LSS: variants seen among roughly 807,000 people sequenced by gnomAD.
The protein encoded by LSS is 2,3-epoxysqualene-lanosterol cyclase.
LSS carries 90 observed loss-of-function variants against 110.3 expected under a neutral mutation model. The ratio of observed to expected loss-of-function variants is 0.82; its 90% confidence interval spans 0.69 to 0.97. LSS has a LOEUF of 0.97. LSS is among the 50% of genes least tolerant of loss of function. LSS has a pLI of 0.00. For synonymous variants in LSS, 433 were observed against 400.0 expected, an observed-to-expected ratio of 1.08 and a Z score of -0.98; for missense variants, 927 against 990.0, an observed-to-expected ratio of 0.94 and a Z score of 0.85.
chr21:46,205,804 C>T (rs747690224), intron 17 of LSS, 32 bp downstream of exon 17: 108 of 1,540,744 alleles, frequency 7.0e-5, no homozygotes, highest in Non-Finnish European at 9.1e-5. Context: ...GACTTGGCAG[C>T]GCCCACACTG....
At chr21:46,200,927 G>C (rs1026320489) in intron 17 of LSS, among the ~76,000 whole-genome samples, 13 of 152,212 alleles carry the variant, frequency 8.5e-5, no homozygotes, top group Non-Finnish European at 1.6e-4. Context: ...GGCAGTTAGG[G>C]GTACACATCC....
chr21:46,223,855 C>T (rs554731273), intron 3 of LSS, among the ~76,000 whole-genome samples: 4 of 152,182 alleles, frequency 2.6e-5, no homozygotes, highest in South Asian at 2.1e-4. Context: ...CGCCCGTTGC[C>T]GAGCGGACGG....
In LSS at chr21:46,227,662, G is replaced by A. The variant is rs1259898536; in HGVS notation, c.209C>T (p.Ala70Val). 1.2e-6 allele frequency: 2 copies of A among 1,613,762 alleles called. No individual in the cohort carries two copies. Among genetic ancestry groups the A allele is most frequent in the Admixed American group, 3.3e-5 (2 of 59,984 alleles). ...CAGAGCCCCCTCAAAGGCGGTGTGG[G>A]CTTTGGGCAAGTCCTTAAAGTAATT... is the stretch of plus-strand genomic sequence containing the variant. ...TKNYFKDLPK[A>V]HTAFEGALNG... Residue 70 changes from alanine (A) to valine (V), a missense_variant, in exon 3 of 22, where the codon GCC (alanine) becomes GTC (valine). Transcript: ENST00000397728.
At chr21:46,213,297 C>T (rs1371899971) in intron 10 of LSS, among the ~76,000 whole-genome samples, 1 of 152,214 alleles carries the variant, frequency 6.6e-6, no homozygotes, top group Non-Finnish European at 1.5e-5. Context: ...GGAGGCTCCC[C>T]GACCCCAGGC....
At chr21:46,192,485 G>A (rs1255400813) in intron 20 of LSS, 3 of 455,388 alleles carry the variant, frequency 6.6e-6, no homozygotes, top group Non-Finnish European at 8.8e-6. Flanking sequence ...ACCTAATAGG[G>A]CAGCACAGAC....
In LSS at chr21:46,195,665, C is replaced by T. The variant is rs1456704705; in HGVS notation, c.1817+11G>A. On this transcript the variant is annotated intron_variant, in intron 19 of 21. Transcript: ENST00000397728. ...GAACCCCCACCCACCAGAGGACAGG[C>T]ACTCACTCACCCATCTCGGTAGGTC... 2 of 1,612,798 alleles carry T rather than the reference C, an allele frequency of 1.2e-6. No homozygotes were observed. The highest frequency in any genetic ancestry group is 1.1e-5 in the South Asian group (1 of 91,076).
At chr21:46,201,672 T>C (rs775095636) in intron 17 of LSS, among the ~76,000 whole-genome samples, 32 of 152,180 alleles carry the variant, frequency 2.1e-4, no homozygotes, top group Non-Finnish European at 4.4e-4. Flanking sequence ...TTGTAACTTT[T>C]CTATAAATTT....
Position 46,216,524 on chromosome 21 carries a change from C to G in LSS, c.648G>C (p.Trp216Cys). 1 of 1,598,992 alleles carries G rather than the reference C, an allele frequency of 6.3e-7. No individual in the cohort carries two copies. Among genetic ancestry groups the G allele is most frequent in the Non-Finnish European group, 8.5e-7 (1 of 1,170,350 alleles). Residue 216 changes from tryptophan (W) to cysteine (C), a missense_variant and splice_region_variant, in exon 7 of 22, where the codon TGG becomes TGC. Transcript: ENST00000397728. The surrounding 1 kb of genome is among the most constrained non-coding windows in gnomAD (Gnocchi z 4.2). ...GTGCCGGTGCCCAGTCAGGAAACAG[C>G]CTGGGGCAACAGCAGGAGTCAGTGG... is the stretch of plus-strand genomic sequence containing the variant. Reference protein sequence around the residue: ...EGLNTLFPEMWLFPDWAPAHP... With the variant: ...EGLNTLFPEMCLFPDWAPAHP...
rs564924956 is a variant in LSS, at chr21:46,190,153, G to A, written c.*951C>T. Reference sequence around the variant, plus strand: ...CCCAGGGAGTGGTGATGGGCTGGGTGCTGGCTGTCCCTGCACATAGCAGTG... The same window carrying A: ...CCCAGGGAGTGGTGATGGGCTGGGTACTGGCTGTCCCTGCACATAGCAGTG... On this transcript the variant is annotated 3_prime_UTR_variant, in exon 22 of 22. Coordinates refer to ENST00000397728, the MANE Select transcript of LSS (RefSeq NM_002340.6). This position sits in a 1 kb window ranked among gnomAD's most constrained non-coding sequence, Gnocchi z 4.6. The A allele has an allele frequency of 1.7e-4, 37 of 221,520 alleles. 6 individuals are homozygous for A. Among genetic ancestry groups the A allele is most frequent in the African/African-American group, 8.8e-4 (36 of 40,962 alleles). 13.7% of individuals were successfully genotyped at this position (221,520 alleles called of 1,614,324 possible).
intron 11 of LSS, among the ~76,000 whole-genome samples, 196 bp downstream of exon 11, chr21:46,212,829 C>T (rs931781848): frequency 2.6e-5 from 4 of 152,210 alleles, no homozygotes; most frequent in Admixed American, 1.3e-4. Flanking sequence ...AGACAGACAT[C>T]GAGAACGGTG....
At chr21:46,222,073 G>T in intron 4 of LSS, 98 bp from the exon 5 acceptor site, 1 of 1,420,790 alleles carries the variant, frequency 7.0e-7, no homozygotes. Flanking sequence ...AACTAAGAAT[G>T]CTAAAATGCC....
rs545880070 is a variant in LSS at position 46,210,572 on chromosome 21, T to C, written c.1194+116A>G. On this transcript the variant is annotated intron_variant, in intron 12 of 21. Transcript: ENST00000397728. ...AGCCAGAGGCCAGAGCCCAGGTCAC[T>C]GGAAGTATCGAGGAGTGGCAAGTGT... The C allele has an allele frequency of 4.2e-5, 44 of 1,046,790 alleles. No homozygotes were observed. In the African/African-American group the frequency reaches 5.3e-4, roughly 13 times the overall value. 64.8% of individuals were successfully genotyped at this position (1,046,790 alleles called of 1,614,324 possible).
rs2080119220 is a variant in LSS at position 46,210,761 on chromosome 21, G to C, written c.1138-17C>G. 1.9e-6 allele frequency: 3 copies of C among 1,613,134 alleles called. No individual in the cohort carries two copies. The highest frequency in any genetic ancestry group is 3.3e-5 in the Admixed American group (2 of 59,960). ...GTTGGTGCCCTACACACAAAGGATG[G>C]TGTTACAGCAGCAGATGCAGCCCCT... On this transcript the variant is annotated splice_polypyrimidine_tract_variant and intron_variant, in intron 11 of 21. Transcript: ENST00000397728.
intron 17 of LSS, among the ~76,000 whole-genome samples, chr21:46,202,460 A>G (rs1408353989): frequency 2.0e-5 from 3 of 152,024 alleles, no homozygotes; most frequent in Non-Finnish European, 4.4e-5. Context: ...TTAACCATTT[A>G]AAAGTTAAAA....
At chr21:46,213,291 G>C (rs1429977007) in intron 10 of LSS, among the ~76,000 whole-genome samples, 1 of 152,188 alleles carries the variant, frequency 6.6e-6, no homozygotes, top group Non-Finnish European at 1.5e-5. Flanking sequence ...GCAGCGGGAG[G>C]CTCCCCGACC....
chr21:46,219,777 G>A (rs561620500), intron 5 of LSS, among the ~76,000 whole-genome samples: 1 of 152,314 alleles, frequency 6.6e-6, no homozygotes, highest in African/African-American at 2.4e-5. Flanking sequence ...CCCCCTAGGT[G>A]GAACCAGTGG....
Position 46,192,343 on chromosome 21 carries a change from C to T in LSS, c.1989-384G>A, listed in dbSNP as rs78277467. ...ATAAGACACCAAGAAGGATCCAGGGCTCAGCGGGCCCAGCTCAACTGTGGG... is the reference window on the plus strand; with the variant it reads ...ATAAGACACCAAGAAGGATCCAGGGTTCAGCGGGCCCAGCTCAACTGTGGG... On this transcript the variant is annotated intron_variant, in intron 20 of 21. Coordinates refer to ENST00000397728, the MANE Select transcript of LSS (RefSeq NM_002340.6). The T allele has an allele frequency of 4.3e-4, 172 of 403,970 alleles. 1 individual carries two copies. The highest frequency in any genetic ancestry group is 3.2e-3 in the African/African-American group (158 of 48,880). The allele number at this position is 403,970 out of a possible 1,614,324, so 25.0% of individuals were successfully genotyped here. A position where few individuals can be genotyped will look rare whatever the true frequency, so the allele number is the denominator to read the frequency against.
At chr21:46,197,314 G>A (rs1436540900) in intron 17 of LSS, among the ~76,000 whole-genome samples, 1 of 152,062 alleles carries the variant, frequency 6.6e-6, no homozygotes, top group East Asian at 1.9e-4. Flanking sequence ...TATCAAAACT[G>A]GCTCAATCAA....
chr21:46,221,921 G>A lies in LSS; in HGVS notation c.483C>T (p.Leu161=). ...VFGTALNYVS[L]RILGVGPDDP... ...CGTCAGGCCCAACACCCAGAATTCTGAGAGACACATAGTTGAGCGCAGTCC... is the reference window on the plus strand; with the variant it reads ...CGTCAGGCCCAACACCCAGAATTCTAAGAGACACATAGTTGAGCGCAGTCC... The change falls in exon 5 of 22, where the codon CTC becomes CTT. Residue 161 remains leucine, a synonymous_variant. Transcript: ENST00000397728. 1 of 1,614,152 alleles carries A rather than the reference G, an allele frequency of 6.2e-7. No homozygotes were observed. Among genetic ancestry groups the A allele is most frequent in the Non-Finnish European group, 8.5e-7 (1 of 1,180,026 alleles).
Sources: allele counts gnomAD v4.1 joint callset (sites outside exome capture counted in the v4.1 genomes callset), GRCh38; gene constraint gnomAD v4.1.1; non-coding constraint Gnocchi (gnomAD v3.1); transcripts MANE v1.5; gene names NCBI Gene and HGNC (gene_info 2026-07-23, HGNC 2026-07-21).